CCNB2: variants seen among roughly 807,000 people sequenced by gnomAD.
CCNB2 encodes the protein cyclin B2.
CCNB2 carries 39 observed loss-of-function variants against 51.1 expected under a neutral mutation model. That is an observed-to-expected ratio of 0.76 (90% CI 0.59 to 1.00). The LOEUF (loss-of-function observed/expected upper bound fraction) is 1.00. CCNB2 is among the 50% of genes least tolerant of loss of function. The pLI is 0.00. For missense variants in CCNB2, 472 were observed against 470.3 expected (o/e 1.00, Z -0.03); for synonymous variants, 174 against 165.5 (o/e 1.05, Z -0.40).
At chr15:59,117,573 A>G (rs187144971) in intron 7 of CCNB2, among the ~76,000 whole-genome samples, 4 of 152,204 alleles carry the variant, frequency 2.6e-5, no homozygotes, top group African/African-American at 7.2e-5. Flanking sequence ...GGCTCAAGTA[A>G]TCCTCCTACC....
rs2079241325 is a variant in CCNB2 at position 59,107,594 on chromosome 15, A to G, written c.191A>G (p.Lys64Arg). ...QNTKVPVQPT[K>R]TTNVNKQLKP... ...ACCAAAGTTCCAGTTCAACCCACCA[A>G]AACAACAAATGTCAACAAACAACTG... The change falls in exon 3 of 9, where the codon AAA becomes AGA. Residue 64 changes from lysine (K) to arginine (R), a missense_variant. Coordinates refer to ENST00000288207, the MANE Select transcript of CCNB2 (RefSeq NM_004701.4). 1 of 1,614,192 alleles carries G rather than the reference A, an allele frequency of 6.2e-7. No individual in the cohort carries two copies. The highest frequency in any genetic ancestry group is 8.5e-7 in the Non-Finnish European group (1 of 1,180,048).
rs150626592 is a variant in CCNB2 at position 59,113,820 on chromosome 15, C to G, written c.268-624C>G. Among the ~76,000 whole-genome samples the G allele has an allele frequency of 4.2e-4, 64 of 152,230 alleles. 1 individual carries two copies. The East Asian group carries it at 0.012, about 29-fold the overall frequency. On this transcript the variant is annotated intron_variant, in intron 3 of 8. Coordinates refer to ENST00000288207, the MANE Select transcript of CCNB2 (RefSeq NM_004701.4). ...GGCTCATTGCAACCTCTGCCTCAGC[C>G]TCCTGAGTAGCTGGGACTACAGGGG...
At chr15:59,111,405 G>T (rs2079256742) in intron 3 of CCNB2, among the ~76,000 whole-genome samples, 1 of 152,216 alleles carries the variant, frequency 6.6e-6, no homozygotes, top group Non-Finnish European at 1.5e-5. Context: ...TTCTAAAGTG[G>T]TATGATAGCA....
At chr15:59,118,027 T>C (rs1384093802) in intron 7 of CCNB2, among the ~76,000 whole-genome samples, 4 of 152,000 alleles carry the variant, frequency 2.6e-5, no homozygotes, top group African/African-American at 9.7e-5. Flanking sequence ...CAGTATAGAG[T>C]TGTACAGAAT....
Position 59,116,738 on chromosome 15 carries a change from C to G in CCNB2, c.646C>G (p.Leu216Val), listed in dbSNP as rs759584289. The part of the protein sequence containing the change: ...KKLQLVGITA[L>V]LLASKYEEMF... ...GCTTCAATTAGTTGGGATTACTGCT[C>G]TGCTCTTGGCTTCCAAGTATGAGGA... is the stretch of plus-strand genomic sequence containing the variant. Residue 216 changes from leucine to valine, a missense_variant, in exon 6 of 9, where the codon CTG becomes GTG. Coordinates refer to ENST00000288207, the MANE Select transcript of CCNB2 (RefSeq NM_004701.4). 1.2e-6 allele frequency: 2 copies of G among 1,613,008 alleles called. No homozygotes were observed. Among genetic ancestry groups the G allele is most frequent in the Admixed American group, 1.7e-5 (1 of 60,030 alleles).
In CCNB2 at chr15:59,116,705, C is replaced by G; in HGVS notation, c.613C>G (p.Arg205Gly). ...TTTCCATTAGGTTCAGCCAGTTTCC[C>G]GGAAGAAGCTTCAATTAGTTGGGAT... ...DRFLQVQPVS[R>G]KKLQLVGITA... The change falls in exon 6 of 9, where the codon CGG (arginine) becomes GGG (glycine). Residue 205 changes from arginine to glycine, a missense_variant. Arg to Gly is a moderately radical substitution (Grantham distance 125). Transcript: ENST00000288207. 1 of 1,610,024 alleles carries G rather than the reference C, an allele frequency of 6.2e-7. No individual in the cohort carries two copies. Among genetic ancestry groups the G allele is most frequent in the Non-Finnish European group, 8.5e-7 (1 of 1,178,188 alleles).
At chr15:59,109,353 A>G (rs2140285998) in intron 3 of CCNB2, among the ~76,000 whole-genome samples, 1 of 152,256 alleles carries the variant, frequency 6.6e-6, no homozygotes, top group East Asian at 1.9e-4. Context: ...GTTATTCTCC[A>G]TACCCAGTAG....
chr15:59,106,684 A>G (rs147699200), intron 1 of CCNB2, among the ~76,000 whole-genome samples: 331 of 152,360 alleles, frequency 2.2e-3, no homozygotes, highest in African/African-American at 7.8e-3. Flanking sequence ...AGCTAAAACT[A>G]TATTACTCAA....
At chr15:59,114,677 C>T in intron 4 of CCNB2, 41 bp from the exon 5 acceptor site, 1 of 1,590,256 alleles carries the variant, frequency 6.3e-7, no homozygotes, top group East Asian at 2.3e-5. Context: ...AGCTGGGAAG[C>T]AAACAAGGTC....
rs1220544411 is a variant in CCNB2, at chr15:59,116,934, C to T, written c.834+8C>T. The T allele has an allele frequency of 6.2e-7, 1 of 1,600,556 alleles. No homozygotes were observed. The highest frequency in any genetic ancestry group is 2.2e-5 in the East Asian group (1 of 44,770). On this transcript the variant is annotated splice_region_variant and intron_variant, in intron 6 of 8. Transcript: ENST00000288207. ...GCATCAAAAGCCGGGGAGGTAAGTG[C>T]CTCCAGCTCTGTAAGAGACTATTTT...
intron 8 of CCNB2, chr15:59,123,857 G>A: frequency 2.3e-6 from 1 of 442,200 alleles, no homozygotes; most frequent in Admixed American, 3.5e-5. Context: ...GGCTAGCCAT[G>A]TCCAGGCCCA....
rs370628686 is a variant in CCNB2, at chr15:59,119,460, C to CAAAAAA, written c.975+2104_975+2109dup. Among the ~76,000 whole-genome samples, 505 of 83,850 alleles carry CAAAAAA rather than the reference C, an allele frequency of 6.0e-3. 5 individuals carry two copies. Among genetic ancestry groups the CAAAAAA allele is most frequent in the Middle Eastern group, 0.021 (4 of 194 alleles). The allele number at this position is 83,850 out of a possible 152,430, so 55.0% of individuals were successfully genotyped here. A position where few individuals can be genotyped will look rare whatever the true frequency, so the allele number is the denominator to read the frequency against. On this transcript the variant is annotated intron_variant, in intron 7 of 8. Coordinates refer to ENST00000288207, the MANE Select transcript of CCNB2 (RefSeq NM_004701.4). ...GGGCAACAGAGCAAAACCCTGTCTC[C>CAAAAAA]AAAAAAAAAAAAAAAAACAAATCTG...
At chr15:59,117,560 C>T (rs1462440815) in intron 7 of CCNB2, among the ~76,000 whole-genome samples, 192 bp downstream of exon 7, 1 of 152,110 alleles carries the variant, frequency 6.6e-6, no homozygotes, top group African/African-American at 2.4e-5. Context: ...CCTTGACTTC[C>T]CAGGCTCAAG....
At chr15:59,118,029 G>A (rs1319680264) in intron 7 of CCNB2, among the ~76,000 whole-genome samples, 1 of 152,210 alleles carries the variant, frequency 6.6e-6, no homozygotes, top group Non-Finnish European at 1.5e-5. Context: ...GTATAGAGTT[G>A]TACAGAATGA....
intron 3 of CCNB2, among the ~76,000 whole-genome samples, chr15:59,110,351 A>G (rs540092777): frequency 6.6e-6 from 1 of 152,352 alleles, no homozygotes; most frequent in Admixed American, 6.5e-5. Flanking sequence ...GTTATGAGGA[A>G]TTAATGAACA....
In CCNB2 at chr15:59,105,173, G is replaced by C; in HGVS notation, c.-96G>C. The C allele has an allele frequency of 8.6e-7, 1 of 1,164,682 alleles. No individual in the cohort carries two copies. Among genetic ancestry groups the C allele is most frequent in the Non-Finnish European group, 1.2e-6 (1 of 815,046 alleles). 72.1% of individuals were successfully genotyped at this position (1,164,682 alleles called of 1,614,324 possible). A position where few individuals can be genotyped will look rare whatever the true frequency, so the allele number is the denominator to read the frequency against. ...AGATCCCCAGCGCTGCGGGCTCGGAGAGCAGTCCTAACGGCGCCTCGTACG... is the reference window on the plus strand; with the variant it reads ...AGATCCCCAGCGCTGCGGGCTCGGACAGCAGTCCTAACGGCGCCTCGTACG... On this transcript the variant is annotated 5_prime_UTR_variant, in exon 1 of 9. Transcript: ENST00000288207.
At chr15:59,116,953 C>G (rs1446222051) in intron 6 of CCNB2, 27 bp downstream of exon 6, 1 of 1,552,900 alleles carries the variant, frequency 6.4e-7, no homozygotes, top group South Asian at 1.1e-5. Context: ...CTGTAAGAGA[C>G]TATTTTTGCT....
At chr15:59,117,189 C>T (rs754523706) in intron 6 of CCNB2, 39 bp from the exon 7 acceptor site, 1 of 1,598,088 alleles carries the variant, frequency 6.3e-7, no homozygotes. Flanking sequence ...ACAGTAATTA[C>T]ACTTGTGATT....
At chr15:59,117,456 C>G in intron 7 of CCNB2, 88 bp downstream of exon 7, 1 of 1,346,750 alleles carries the variant, frequency 7.4e-7, no homozygotes, top group Non-Finnish European at 1.0e-6. Flanking sequence ...CAACACTATC[C>G]TTGAAGCAGT....
Sources: gnomAD v4.1 joint callset for allele counts (sites outside exome capture counted in the v4.1 genomes callset) on GRCh38, gnomAD v4.1.1 for gene constraint, MANE v1.5 for transcripts, NCBI Gene and HGNC (gene_info 2026-07-23, HGNC 2026-07-21) for gene names.